Variants in KIF1A observed in about 807,000 individuals in gnomAD.
The protein encoded by KIF1A is kinesin-like protein KIF1A.
KIF1A carries 46 observed loss-of-function variants against 227.3 expected under a neutral mutation model. The ratio of observed to expected loss-of-function variants is 0.20; its 90% CI spans 0.16 to 0.26. KIF1A has a LOEUF of 0.26. Among genes scored for constraint, KIF1A ranks in the 10% least tolerant of loss-of-function variants. The pLI, the probability that KIF1A is intolerant of heterozygous loss-of-function variation, is 1.00. For missense variants in KIF1A, 1,683 were observed against 2,485.9 expected, an observed-to-expected ratio of 0.68 and a Z score of 6.87; for synonymous variants, 1,022 against 1,012.8, an observed-to-expected ratio of 1.01 and a Z score of -0.17.
rs372019289 is a variant in KIF1A, at chr2:240,738,931, G to A, written c.3901+1127C>T. Among the ~76,000 whole-genome samples the A allele has an allele frequency of 3.9e-5, 6 of 152,360 alleles. No homozygotes were observed. The South Asian group carries it at 1.2e-3, about 32-fold the overall frequency. On this transcript the variant is annotated intron_variant, in intron 37 of 48. Coordinates refer to ENST00000498729, the MANE Select transcript of KIF1A (RefSeq NM_001244008.2). ...CCAGGGATCGTTCCTCAACTACCGT[G>A]TGGCCGGGTCCATAAACCAGCTGTG... is the stretch of plus-strand genomic sequence containing the variant.
chr2:240,785,310 C>T (rs1458270600), intron 6 of KIF1A, among the ~76,000 whole-genome samples: 1 of 152,234 alleles, frequency 6.6e-6, no homozygotes, highest in Non-Finnish European at 1.5e-5. Context: ...TCCTCAGCCC[C>T]AGCCCTTGCT....
intron 6 of KIF1A, among the ~76,000 whole-genome samples, 189 bp downstream of exon 6, chr2:240,786,146 C>T (rs2054722317): frequency 1.3e-5 from 2 of 152,232 alleles, no homozygotes; most frequent in African/African-American, 2.4e-5. Flanking sequence ...GTGTCCCCTG[C>T]ACAGGGGGAG....
Position 240,740,203 on chromosome 2 carries a change from A to G in KIF1A, c.3817-61T>C. ...CTCAGGGGGCTACGTAGGGTGAGGG[A>G]GGGGGACACAGGCAGGGTAGGGGCA... On this transcript the variant is annotated intron_variant, in intron 36 of 48. Coordinates refer to ENST00000498729, the MANE Select transcript of KIF1A (RefSeq NM_001244008.2). This position sits in a 1 kb window ranked among gnomAD's most constrained non-coding sequence, Gnocchi z 6.1. The G allele has an allele frequency of 6.8e-7, 1 of 1,470,912 alleles. No individual in the cohort carries two copies. The highest frequency in any genetic ancestry group is 9.3e-7 in the Non-Finnish European group (1 of 1,079,524). 91.1% of individuals were successfully genotyped at this position (1,470,912 alleles called of 1,614,324 possible). A position where few individuals can be genotyped will look rare whatever the true frequency, so the allele number is the denominator to read the frequency against.
Position 240,787,123 on chromosome 2 carries a change from G to A in KIF1A, c.429+128C>T, listed in dbSNP as rs1366431714. ...AGGCCCGCCGTCTTGCCTGCCACTT[G>A]GATGAGTGAGGGACAAGCTGGGCGT... is the stretch of plus-strand genomic sequence containing the variant. On this transcript the variant is annotated intron_variant, in intron 5 of 48. Coordinates refer to ENST00000498729, the MANE Select transcript of KIF1A (RefSeq NM_001244008.2). 20 of 758,640 alleles carry A rather than the reference G, an allele frequency of 2.6e-5. No homozygotes were observed. In the Admixed American group the frequency reaches 4.0e-4, roughly 15 times the overall value. 47.0% of individuals were successfully genotyped at this position (758,640 alleles called of 1,614,324 possible).
chr2:240,721,991 G>T, intron 43 of KIF1A, 107 bp from the exon 44 acceptor site: 1 of 864,926 alleles, frequency 1.2e-6, no homozygotes, highest in Non-Finnish European at 1.8e-6. Context: ...GGTGGGTTCC[G>T]ACGCCAGAGC....
At chr2:240,721,171 G>T in intron 44 of KIF1A, 133 bp from the exon 45 acceptor site, 1 of 1,247,378 alleles carries the variant, frequency 8.0e-7, no homozygotes. Flanking sequence ...CAGCAGCCTT[G>T]GCTCAAAGTT....
chr2:240,813,405 T>C (rs967772149), intron 1 of KIF1A, among the ~76,000 whole-genome samples: 1 of 152,090 alleles, frequency 6.6e-6, no homozygotes, highest in Non-Finnish European at 1.5e-5. Flanking sequence ...GGCTCAGGCA[T>C]GGGAACTCAG....
rs2050177928 is a variant in KIF1A, at chr2:240,758,913, C to G, written c.2445-416G>C. On this transcript the variant is annotated intron_variant, in intron 25 of 48. Transcript: ENST00000498729. The surrounding 1 kb of genome is among the most constrained non-coding windows in gnomAD (Gnocchi z 5.2). ...AAAGGGCAAACTGGGGGTAGGGACA[C>G]AGAAGACAGAGAAAATAGCCTACAA... Among the ~76,000 whole-genome samples, 1 of 152,164 alleles carries G rather than the reference C, an allele frequency of 6.6e-6. No homozygotes were observed. Among genetic ancestry groups the G allele is most frequent in the Admixed American group, 6.5e-5 (1 of 15,276 alleles).
At chr2:240,720,040 C>CTCTGAGG in intron 45 of KIF1A, 114 bp from the exon 46 acceptor site, 1 of 1,048,352 alleles carries the variant, frequency 9.5e-7, no homozygotes, top group Non-Finnish European at 1.3e-6. Flanking sequence ...GGCACCTTCG[C>CTCTGAGG]AGGGTCTCTC....
At chr2:240,761,626 T>TCTGG (rs1192649591) in intron 23 of KIF1A, among the ~76,000 whole-genome samples, 13 of 152,158 alleles carry the variant, frequency 8.5e-5, no homozygotes, top group African/African-American at 3.1e-4. Context: ...TCACTCTGGG[T>TCTGG]CTGGGCTGGG....
chr2:240,782,669 G>T, intron 9 of KIF1A, 62 bp from the exon 10 acceptor site: 1 of 1,532,426 alleles, frequency 6.5e-7, no homozygotes, highest in Non-Finnish European at 8.8e-7. Flanking sequence ...GGCTGTGGGG[G>T]CGGAAGAGCA....
chr2:240,750,513 CG>C lies in KIF1A; in HGVS notation c.2892del (p.Val965PhefsTer16). 1 of 1,613,852 alleles carries C rather than the reference CG, an allele frequency of 6.2e-7. No individual in the cohort carries two copies. ...ATTGCCACACGGTGTACCAGGGGAA[CG>C]GGGTACAGCAGGTTGCTCAGGTACA... Reference protein sequence around the residue: ...AFVYLSNLLYPVPLVHRVAIV... With the variant: ...AFVYLSNLLYXVPLVHRVAIV... On this transcript the variant is annotated frameshift_variant, in exon 28 of 49. Coordinates refer to ENST00000498729, the MANE Select transcript of KIF1A (RefSeq NM_001244008.2). LOFTEE classifies it high-confidence loss of function.
Position 240,740,377 on chromosome 2 carries a change from G to A in KIF1A, c.3750-13C>T. On this transcript the variant is annotated splice_polypyrimidine_tract_variant and intron_variant, in intron 35 of 48. Transcript: ENST00000498729. This position sits in a 1 kb window ranked among gnomAD's most constrained non-coding sequence, Gnocchi z 6.1. The stretch of plus-strand genomic sequence containing the variant: ...GGCCGGGATGTAACTGGAAGAGAGA[G>A]ACACATGTGAGGAGCGGCCAGCCCC... 6.2e-7 allele frequency: 1 copy of A among 1,612,688 alleles called. No homozygotes were observed. The highest frequency in any genetic ancestry group is 8.5e-7 in the Non-Finnish European group (1 of 1,178,836).
At position 240,745,791 on chromosome 2, in the gene KIF1A, G is replaced by T. The variant is rs758210408; in HGVS notation, c.3321C>A (p.Val1107=). 18 of 1,612,924 alleles carry T rather than the reference G, an allele frequency of 1.1e-5. No individual in the cohort carries two copies. Among genetic ancestry groups the T allele is most frequent in the Non-Finnish European group, 2.5e-6 (3 of 1,179,696 alleles). The part of the protein sequence containing the change: ...LGNTFTFRVT[V]LQASSISAEY... ...CGGCAGAGATGCTGGACGCCTGCAG[G>T]ACTGTCACACGGAAGGTGAAGGTGT... Residue 1107 remains valine (V), a synonymous_variant, in exon 31 of 49, where the codon GTC becomes GTA. Coordinates refer to ENST00000498729, the MANE Select transcript of KIF1A (RefSeq NM_001244008.2).
At position 240,788,087 on chromosome 2, in the gene KIF1A, G is replaced by T. The variant is rs776064107; in HGVS notation, c.327C>A (p.Gly109=). The T allele has an allele frequency of 2.0e-5, 30 of 1,514,272 alleles. No homozygotes were observed. The highest frequency in any genetic ancestry group is 8.9e-7 in the Non-Finnish European group (1 of 1,120,668). The allele number at this position is 1,514,272 out of a possible 1,614,324, so 93.8% of individuals were successfully genotyped here. The change falls in exon 4 of 49, where the codon GGC becomes GGA. Residue 109 remains glycine (G), a synonymous_variant. Transcript: ENST00000498729. This position sits in a 1 kb window ranked among gnomAD's most constrained non-coding sequence, Gnocchi z 6.6. The part of the protein sequence containing the change: ...TGAGKSYTMM[G]KQEKDQQGII... ...TGCCCTGCTGGTCCTTCTCCTGCTT[G>T]CCCATCATGGTGTAGGACTTGCCGG...
rs140468407 is a variant in KIF1A at position 240,783,860 on chromosome 2, C to T, written c.721-44G>A. On this transcript the variant is annotated intron_variant, in intron 7 of 48. Transcript: ENST00000498729. The stretch of plus-strand genomic sequence containing the variant: ...CACATGCAGGAAAGGCCACAAGATG[C>T]GCGGGGGCATCCCAGGACCCCTGGG... 1.5e-4 allele frequency: 218 copies of T among 1,442,444 alleles called. 2 individuals carry two copies. In the East Asian group the frequency reaches 3.6e-3, roughly 24 times the overall value. 89.4% of individuals were successfully genotyped at this position (1,442,444 alleles called of 1,614,324 possible).
Position 240,757,505 on chromosome 2 carries a change from G to A in KIF1A, c.2672C>T (p.Ser891Leu), listed in dbSNP as rs778041447. The A allele has an allele frequency of 3.0e-5, 47 of 1,550,300 alleles. No individual in the cohort carries two copies. The highest frequency in any genetic ancestry group is 3.7e-5 in the Non-Finnish European group (42 of 1,146,966). The change falls in exon 27 of 49, where the codon TCG (serine) becomes TTG (leucine). Residue 891 changes from serine to leucine, a missense_variant. Transcript: ENST00000498729. This position sits in a 1 kb window ranked among gnomAD's most constrained non-coding sequence, Gnocchi z 6.2. ...CTCGGTGGCGTCGGAGTCGGGGCTCGAGAAGGTGGGGGAGGGGGTGAGAGC... is the reference window on the plus strand; with the variant it reads ...CTCGGTGGCGTCGGAGTCGGGGCTCAAGAAGGTGGGGGAGGGGGTGAGAGC... Reference protein sequence around the residue: ...MAALTPSPTFSSPDSDATEPA... With the variant: ...MAALTPSPTFLSPDSDATEPA...
In KIF1A at chr2:240,740,536, C is replaced by G. The variant is rs935743941; in HGVS notation, c.3750-172G>C. On this transcript the variant is annotated intron_variant, in intron 35 of 48. Transcript: ENST00000498729. This position sits in a 1 kb window ranked among gnomAD's most constrained non-coding sequence, Gnocchi z 6.1. ...CGGTCAGCTGAGCACAGAAACCCAC[C>G]AGGCCTCCTTGGCTATCACCTCCCA... Among the ~76,000 whole-genome samples the G allele has an allele frequency of 6.6e-6, 1 of 152,088 alleles. No individual in the cohort carries two copies. The highest frequency in any genetic ancestry group is 2.4e-5 in the African/African-American group (1 of 41,398).
intron 1 of KIF1A, among the ~76,000 whole-genome samples, chr2:240,819,410 C>T (rs1453314617): frequency 2.0e-5 from 3 of 152,164 alleles, no homozygotes. Context: ...CTCCCAGGTG[C>T]TGGGTCTTTC....
Sources: gnomAD v4.1 joint callset for allele counts (sites outside exome capture counted in the v4.1 genomes callset) on GRCh38, gnomAD v4.1.1 for gene constraint, Gnocchi (gnomAD v3.1) non-coding constraint, MANE v1.5 for transcripts, NCBI Gene and HGNC (gene_info 2026-07-23, HGNC 2026-07-21) for gene names.